HCN2: variants seen among roughly 807,000 people sequenced by gnomAD.
The protein encoded by HCN2 is potassium/sodium hyperpolarization-activated cyclic nucleotide-gated channel 2.
Under a neutral mutation model 52.3 loss-of-function variants are expected in HCN2, and 20 were observed. That is an observed-to-expected ratio of 0.38 (90% CI 0.27 to 0.56). The LOEUF is 0.56. Ranked by LOEUF, HCN2 falls within the 20% of genes least tolerant of loss-of-function variation. The pLI is 0.71. For synonymous variants in HCN2, 694 were observed against 537.0 expected, an observed-to-expected ratio of 1.29 and a Z score of -4.04; for missense variants, 981 against 1,207.7, an observed-to-expected ratio of 0.81 and a Z score of 2.78.
intron 5 of HCN2, among the ~76,000 whole-genome samples, chr19:611,669 C>A (rs954130394): frequency 4.6e-5 from 7 of 152,144 alleles, no homozygotes; most frequent in Non-Finnish European, 1.0e-4. Flanking sequence ...GCATAAAATG[C>A]GGTGGCTTTT....
intron 5 of HCN2, among the ~76,000 whole-genome samples, chr19:612,395 T>TGG (rs1309811893): frequency 0.068 from 2,551 of 37,476 alleles, 30 homozygotes; most frequent in Non-Finnish European, 0.094. Context: ...TTTCCACTGG[T>TGG]GTGTGTGTGT....
intron 1 of HCN2, among the ~76,000 whole-genome samples, chr19:593,197 C>T (rs1209083152): frequency 6.6e-6 from 1 of 152,362 alleles, no homozygotes; most frequent in Non-Finnish European, 1.5e-5. Context: ...TCACGCCCCA[C>T]GTCCCAGTCC....
At position 610,154 on chromosome 19, in the gene HCN2, G is replaced by A. The variant is rs889328727; in HGVS notation, c.1438-105G>A. ...GCCCGTGTGCCCGCTGCAGGCTGGGGGCGGTGTCTGACCCAGCCTCGCCTC... is the reference window on the plus strand; with the variant it reads ...GCCCGTGTGCCCGCTGCAGGCTGGGAGCGGTGTCTGACCCAGCCTCGCCTC... On this transcript the variant is annotated intron_variant, in intron 4 of 7. Transcript: ENST00000251287. 13 of 1,367,970 alleles carry A rather than the reference G, an allele frequency of 9.5e-6. No homozygotes were observed. In the Admixed American group the frequency reaches 1.8e-4, roughly 19 times the overall value. The allele number at this position is 1,367,970 out of a possible 1,614,324, so 84.7% of individuals were successfully genotyped here.
intron 1 of HCN2, among the ~76,000 whole-genome samples, chr19:602,488 C>T (rs1983239272): frequency 6.6e-6 from 1 of 152,180 alleles, no homozygotes; most frequent in African/African-American, 2.4e-5. Flanking sequence ...GTTCAGTCTT[C>T]CTGTGGCCCC....
intron 1 of HCN2, among the ~76,000 whole-genome samples, chr19:594,796 T>A (rs574839311): frequency 6.6e-6 from 1 of 152,180 alleles, no homozygotes; most frequent in Non-Finnish European, 1.5e-5. Flanking sequence ...CATGGACCCA[T>A]ATCCCAGGTG....
At chr19:614,368 G>A (rs1983808068) in intron 7 of HCN2, among the ~76,000 whole-genome samples, 1 of 152,192 alleles carries the variant, frequency 6.6e-6, no homozygotes, top group South Asian at 2.1e-4. Context: ...GTGTGCTGGG[G>A]GTGCAGGGGA....
rs1331670715 is a variant in HCN2, at chr19:590,214, C to T, written c.269C>T (p.Ala90Val). 1 of 984,972 alleles carries T rather than the reference C, an allele frequency of 1.0e-6. No individual in the cohort carries two copies. The highest frequency in any genetic ancestry group is 1.2e-6 in the Non-Finnish European group (1 of 831,548). The allele number at this position is 984,972 out of a possible 1,614,324, so 61.0% of individuals were successfully genotyped here. The part of the protein sequence containing the change: ...SSCGRPGTPG[A>V]ASTAKGSPNG... ...TGCGGCCGCCCCGGCACCCCGGGCG[C>T]GGCGAGCACGGCCAAGGGCAGCCCG... The change falls in exon 1 of 8, where the codon GCG (alanine) becomes GTG (valine). Residue 90 changes from alanine (A) to valine (V), a missense_variant. Transcript: ENST00000251287. The surrounding 1 kb of genome is among the most constrained non-coding windows in gnomAD (Gnocchi z 7.2).
intron 1 of HCN2, among the ~76,000 whole-genome samples, chr19:595,527 C>G (rs975331343): frequency 6.6e-6 from 1 of 152,196 alleles, no homozygotes; most frequent in Non-Finnish European, 1.5e-5. Context: ...GCACCTGCTG[C>G]CCCTCTTCAG....
chr19:604,810 G>A (rs868841783), intron 2 of HCN2, among the ~76,000 whole-genome samples: 25 of 98,802 alleles, frequency 2.5e-4, no homozygotes, highest in African/African-American at 7.6e-4. Context: ...GTCCTAGGGC[G>A]GGGGCTGTGG....
rs59313139 is a variant in HCN2, at chr19:604,099, A to G, written c.1056+132A>G. On this transcript the variant is annotated intron_variant, in intron 2 of 7. Transcript: ENST00000251287. ...CCAAGGCAGCAGGGGTGGGGCTATGAGAGATCTGGGTGGGGTCAAGGCCCC... is the reference window on the plus strand; with the variant it reads ...CCAAGGCAGCAGGGGTGGGGCTATGGGAGATCTGGGTGGGGTCAAGGCCCC... 1.7e-4 allele frequency: 95 copies of G among 564,654 alleles called. 1 individual carries two copies. The highest frequency in any genetic ancestry group is 3.9e-4 in the African/African-American group (16 of 40,866). The allele number at this position is 564,654 out of a possible 1,614,324, so 35.0% of individuals were successfully genotyped here. A position where few individuals can be genotyped will look rare whatever the true frequency, so the allele number is the denominator to read the frequency against.
Position 616,613 on chromosome 19 carries a change from ACGGGCAGGGCCGG to A in HCN2, c.*144_*156del. On this transcript the variant is annotated 3_prime_UTR_variant, in exon 8 of 8. Transcript: ENST00000251287. ...GACGTAGGTAGCCGTAGTTGGACGG[ACGGGCAGGGCCGG>A]CGGGGCAGCCCCCTCCGCGCCCCCG... is the stretch of plus-strand genomic sequence containing the variant. 2.3e-6 allele frequency: 1 copy of A among 429,940 alleles called. No homozygotes were observed. The highest frequency in any genetic ancestry group is 1.0e-4 in the South Asian group (1 of 9,860). The allele number at this position is 429,940 out of a possible 1,614,324, so 26.6% of individuals were successfully genotyped here. A position where few individuals can be genotyped will look rare whatever the true frequency, so the allele number is the denominator to read the frequency against.
At chr19:605,761 G>A (rs1415831483) in intron 3 of HCN2, among the ~76,000 whole-genome samples, 11 of 129,192 alleles carry the variant, frequency 8.5e-5, no homozygotes, top group Non-Finnish European at 4.9e-5. Flanking sequence ...GGACCCAGGC[G>A]CCCCCTTATG....
At chr19:614,584 C>G (rs1298434108) in intron 7 of HCN2, among the ~76,000 whole-genome samples, 1 of 152,062 alleles carries the variant, frequency 6.6e-6, no homozygotes, top group Non-Finnish European at 1.5e-5. Context: ...ATCCCAAGGC[C>G]CTGAGGTGGA....
intron 1 of HCN2, among the ~76,000 whole-genome samples, chr19:595,657 G>A (rs1181780885): frequency 2.0e-5 from 3 of 152,216 alleles, no homozygotes; most frequent in Non-Finnish European, 4.4e-5. Flanking sequence ...GGCCTGTGTG[G>A]TCATCGTGTG....
rs369161773 is a variant in HCN2 at position 610,420 on chromosome 19, G to C, written c.1584+15G>C. ...CCCTGCGGGAGGTGAGGCGGGCGCCGGGCGGGCGGGAGGCAGCCTCCGGTA... is the reference window on the plus strand; with the variant it reads ...CCCTGCGGGAGGTGAGGCGGGCGCCCGGCGGGCGGGAGGCAGCCTCCGGTA... On this transcript the variant is annotated intron_variant, in intron 5 of 7. Coordinates refer to ENST00000251287, the MANE Select transcript of HCN2 (RefSeq NM_001194.4). The C allele has an allele frequency of 1.1e-5, 18 of 1,609,128 alleles. No individual in the cohort carries two copies. The highest frequency in any genetic ancestry group is 1.5e-5 in the Non-Finnish European group (18 of 1,177,628).
In HCN2 at chr19:590,299, G is replaced by A; in HGVS notation, c.354G>A (p.Ala118=). The change falls in exon 1 of 8, where the codon GCG becomes GCA. Residue 118 remains alanine (A), a synonymous_variant. Coordinates refer to ENST00000251287, the MANE Select transcript of HCN2 (RefSeq NM_001194.4). This position sits in a 1 kb window ranked among gnomAD's most constrained non-coding sequence, Gnocchi z 7.2. ...QCSPAGPEGP[A]RGPKVSFSCR... is the part of the protein sequence containing the mutation. ...GCCCCGCGGGGCCCGAGGGCCCGGC[G>A]CGGGGGCCCAAGGTGTCGTTCTCGT... The A allele has an allele frequency of 3.0e-6, 3 of 999,818 alleles. No individual in the cohort carries two copies. Among genetic ancestry groups the A allele is most frequent in the East Asian group, 1.1e-4 (1 of 9,214 alleles). 61.9% of individuals were successfully genotyped at this position (999,818 alleles called of 1,614,324 possible).
Position 607,964 on chromosome 19 carries a change from A to T in HCN2, c.1219A>T (p.Asn407Tyr). The T allele has an allele frequency of 5.6e-6, 9 of 1,607,144 alleles. No homozygotes were observed. The highest frequency in any genetic ancestry group is 7.7e-6 in the Non-Finnish European group (9 of 1,176,106). Residue 407 changes from asparagine to tyrosine, a missense_variant and splice_region_variant, in exon 4 of 8, where the codon AAC becomes TAC. Asn to Tyr is a moderately radical substitution (Grantham distance 143, BLOSUM62 -2). This residue lies in a region of HCN2 where 282 missense variants were observed against 553.8 expected (regional missense o/e 0.51). Coordinates refer to ENST00000251287, the MANE Select transcript of HCN2 (RefSeq NM_001194.4). ...NCWVSINGMV[N>Y]HSWSELYSFA... ...ACCGCCCCTCCTGCTGGCCTTGCAG[A>T]ACCACTCGTGGAGTGAACTGTACTC...
At chr19:612,611 C>A (rs1172405005) in intron 5 of HCN2, among the ~76,000 whole-genome samples, 1 of 152,092 alleles carries the variant, frequency 6.6e-6, no homozygotes, top group East Asian at 1.9e-4. Context: ...GATGGGGTTT[C>A]ACCATGTTGG....
intron 1 of HCN2, among the ~76,000 whole-genome samples, chr19:595,062 C>T (rs968458848): frequency 2.0e-5 from 3 of 152,036 alleles, no homozygotes; most frequent in South Asian, 4.1e-4. Context: ...ATTAGCCAGG[C>T]GTGGTGGCGT....
Sources: allele counts gnomAD v4.1 joint callset (sites outside exome capture counted in the v4.1 genomes callset), GRCh38; gene constraint gnomAD v4.1.1; regional missense constraint gnomAD v4.1.1; non-coding constraint Gnocchi (gnomAD v3.1); transcripts MANE v1.5; gene names NCBI Gene and HGNC (gene_info 2026-07-23, HGNC 2026-07-21).